Variants in ZNF385C observed in about 807,000 individuals in gnomAD.
ZNF385C encodes the protein CTD-2132N18.2.
In ZNF385C, 28 loss-of-function variants were observed where a neutral mutation model predicts 35.4. The observed-to-expected ratio is 0.79, with a 90% CI of 0.59 to 1.08. ZNF385C has a LOEUF of 1.08. ZNF385C is among the 50% of genes least tolerant of loss of function. The probability of loss-of-function intolerance (pLI) is 0.00; values close to 1 mark genes in which losing one functional copy is unlikely to be tolerated. For synonymous variants in ZNF385C, 248 were observed against 248.2 expected, an observed-to-expected ratio of 1.00 and a Z score of 0.01; for missense variants, 605 against 595.6, an observed-to-expected ratio of 1.02 and a Z score of -0.16.
intron 1 of ZNF385C, among the ~76,000 whole-genome samples, chr17:42,077,944 A>G (rs948453084): frequency 6.6e-6 from 1 of 152,002 alleles, no homozygotes; most frequent in Non-Finnish European, 1.5e-5. Context: ...CTGGTTGCAA[A>G]TCCCCCTGAA....
At chr17:42,093,432 C>T (rs1555660729) in intron 1 of ZNF385C, among the ~76,000 whole-genome samples, 1 of 152,166 alleles carries the variant, frequency 6.6e-6, no homozygotes, top group African/African-American at 2.4e-5. Flanking sequence ...TGACTCTGGA[C>T]CCCCAGCCCT....
intron 1 of ZNF385C, among the ~76,000 whole-genome samples, chr17:42,078,367 T>G (rs1240729638): frequency 6.6e-6 from 1 of 151,420 alleles, no homozygotes; most frequent in Non-Finnish European, 1.5e-5. Context: ...GTAGGAAGCC[T>G]AGAATCTCTA....
intron 2 of ZNF385C, chr17:42,042,973 A>C (rs1036761283): frequency 8.1e-7 from 1 of 1,232,402 alleles, no homozygotes. Flanking sequence ...CATGCAGTAC[A>C]CAGTAGTCAG....
rs143809393 is a variant in ZNF385C, at chr17:42,059,489, G to A, written c.250+3318C>T. On this transcript the variant is annotated intron_variant, in intron 2 of 8. Transcript: ENST00000692273. Reference sequence around the variant, plus strand: ...CCTAAGATGGTGCCCCCACGCCCCCGTTCTGACCCAGTACTGAGGGGCATG... The same window carrying A: ...CCTAAGATGGTGCCCCCACGCCCCCATTCTGACCCAGTACTGAGGGGCATG... 1.8e-3 allele frequency among the ~76,000 whole-genome samples: 268 copies of A among 152,210 alleles called. 2 individuals are homozygous for A. Among genetic ancestry groups the A allele is most frequent in the Middle Eastern group, 0.01 (3 of 294 alleles).
chr17:42,071,708 G>A (rs782492922), intron 1 of ZNF385C, among the ~76,000 whole-genome samples: 1 of 152,176 alleles, frequency 6.6e-6, no homozygotes, highest in African/African-American at 2.4e-5. Context: ...GAGGAGACCC[G>A]CCGGCCCCAT....
intron 1 of ZNF385C, among the ~76,000 whole-genome samples, chr17:42,087,668 T>C (rs2053823184): frequency 6.6e-6 from 1 of 152,188 alleles, no homozygotes; most frequent in South Asian, 2.1e-4. Context: ...CTCACGTCTA[T>C]AAATCTCAGC....
chr17:42,026,284 CTT>C lies in ZNF385C; in HGVS notation c.*611_*612del, dbSNP rs2052577152. On this transcript the variant is annotated 3_prime_UTR_variant, in exon 9 of 9. Coordinates refer to ENST00000692273, the MANE Select transcript of ZNF385C (RefSeq NM_001392013.1). ...GCCCAACCAGAACATCACCTCCTCTCTTAGTCCCACCCCTTCAGAGCAGATGA... is the reference window on the plus strand; with the variant it reads ...GCCCAACCAGAACATCACCTCCTCTCAGTCCCACCCCTTCAGAGCAGATGA... 6.5e-6 allele frequency: 1 copy of C among 154,890 alleles called. No individual in the cohort carries two copies. Among genetic ancestry groups the C allele is most frequent in the South Asian group, 2.0e-4 (1 of 5,086 alleles). 9.6% of individuals were successfully genotyped at this position (154,890 alleles called of 1,614,324 possible).
Position 42,028,258 on chromosome 17 carries a change from A to G in ZNF385C, c.968-12T>C. The G allele has an allele frequency of 6.6e-7, 1 of 1,519,556 alleles. No homozygotes were observed. The highest frequency in any genetic ancestry group is 8.8e-7 in the Non-Finnish European group (1 of 1,136,790). 94.1% of individuals were successfully genotyped at this position (1,519,556 alleles called of 1,614,324 possible). A position where few individuals can be genotyped will look rare whatever the true frequency, so the allele number is the denominator to read the frequency against. ...CCGGTGCTTGGCTCCTGGAGAGGGA[A>G]GAAGGCAGTCTCTCAGCAGCAGGAA... On this transcript the variant is annotated splice_polypyrimidine_tract_variant and intron_variant, in intron 6 of 8. Coordinates refer to ENST00000692273, the MANE Select transcript of ZNF385C (RefSeq NM_001392013.1).
chr17:42,040,685 G>A (rs1051186990), intron 2 of ZNF385C: 6 of 1,232,302 alleles, frequency 4.9e-6, no homozygotes, highest in South Asian at 4.1e-5. Flanking sequence ...GGCACTGGCC[G>A]AGGCCCTGCC....
At chr17:42,037,602 C>G in intron 3 of ZNF385C, 135 bp downstream of exon 3, 1 of 1,106,854 alleles carries the variant, frequency 9.0e-7, no homozygotes, top group Non-Finnish European at 1.2e-6. Flanking sequence ...TGGGGAGCAC[C>G]TATCCCCTCT....
At chr17:42,073,667 G>A (rs2053655161) in intron 1 of ZNF385C, among the ~76,000 whole-genome samples, 1 of 152,208 alleles carries the variant, frequency 6.6e-6, no homozygotes, top group Non-Finnish European at 1.5e-5. Flanking sequence ...GGGGCATGGA[G>A]CCAACCAGGA....
intron 2 of ZNF385C, among the ~76,000 whole-genome samples, chr17:42,057,909 C>CTCCA (rs2053405785): frequency 6.6e-6 from 1 of 151,938 alleles, no homozygotes; most frequent in Non-Finnish European, 1.5e-5. Context: ...CACCACTGCA[C>CTCCA]TCCAGCCTGG....
rs868993003 is a variant in ZNF385C, at chr17:42,045,345, C to T, written c.251-7460G>A. On this transcript the variant is annotated intron_variant, in intron 2 of 8. Transcript: ENST00000692273. ...GGATTACAGGCGTGCGCCACCGCGC[C>T]TGGCCTTAACTCTACCTTTTAATTA... Among the ~76,000 whole-genome samples, 31 of 152,400 alleles carry T rather than the reference C, an allele frequency of 2.0e-4. No individual in the cohort carries two copies. The Middle Eastern group carries it at 0.01, about 50-fold the overall frequency.
Position 42,028,879 on chromosome 17 carries a change from T to G in ZNF385C, c.871A>C (p.Met291Leu). 6.4e-7 allele frequency: 1 copy of G among 1,550,614 alleles called. No individual in the cohort carries two copies. The highest frequency in any genetic ancestry group is 8.7e-7 in the Non-Finnish European group (1 of 1,146,986). The change falls in exon 6 of 9, where the codon ATG becomes CTG. Residue 291 changes from methionine to leucine, a missense_variant. Met to Leu is a conservative substitution (Grantham distance 15). Coordinates refer to ENST00000692273, the MANE Select transcript of ZNF385C (RefSeq NM_001392013.1). Reference protein sequence around the residue: ...EPAAAAVGSSMSGEGRSEKGH... With the variant: ...EPAAAAVGSSLSGEGRSEKGH... The stretch of plus-strand genomic sequence containing the variant: ...TTCTCACTCCTGCCTTCCCCACTCA[T>G]GCTGCTTCCCACGGCAGCTGCCGCT...
intron 2 of ZNF385C, among the ~76,000 whole-genome samples, chr17:42,054,853 A>C (rs1051069629): frequency 6.6e-6 from 1 of 152,084 alleles, no homozygotes; most frequent in African/African-American, 2.4e-5. Flanking sequence ...AAGTGTTAGG[A>C]TTACAGGTGT....
chr17:42,081,083 A>G (rs1440497915), intron 1 of ZNF385C, among the ~76,000 whole-genome samples: 1 of 152,256 alleles, frequency 6.6e-6, no homozygotes, highest in Admixed American at 6.5e-5. Context: ...AACACCTACT[A>G]TATGCCAGCC....
chr17:42,087,208 A>G (rs2053818474), intron 1 of ZNF385C, among the ~76,000 whole-genome samples: 2 of 152,236 alleles, frequency 1.3e-5, no homozygotes, highest in Non-Finnish European at 2.9e-5. Flanking sequence ...ACAAAAAAAG[A>G]CAATGTTGAT....
Position 42,026,660 on chromosome 17 carries a change from C to A in ZNF385C, c.*237G>T. ...GAGATTTTGCATAGATCTTTGGGGT[C>A]TGTCAGGGTGGGAAATGCAGGCAAG... On this transcript the variant is annotated 3_prime_UTR_variant, in exon 9 of 9. Coordinates refer to ENST00000692273, the MANE Select transcript of ZNF385C (RefSeq NM_001392013.1). The A allele has an allele frequency of 1.7e-6, 1 of 580,228 alleles. No homozygotes were observed. The highest frequency in any genetic ancestry group is 3.1e-6 in the Non-Finnish European group (1 of 325,018). The allele number at this position is 580,228 out of a possible 1,614,324, so 35.9% of individuals were successfully genotyped here. A position where few individuals can be genotyped will look rare whatever the true frequency, so the allele number is the denominator to read the frequency against.
chr17:42,092,458 G>GTA (rs1555660632), intron 1 of ZNF385C, among the ~76,000 whole-genome samples: 1 of 152,180 alleles, frequency 6.6e-6, no homozygotes, highest in Non-Finnish European at 1.5e-5. Flanking sequence ...GGATGAGGCA[G>GTA]TTCTGTATAC....
Sources: gnomAD v4.1 joint callset for allele counts (sites outside exome capture counted in the v4.1 genomes callset) on GRCh38, gnomAD v4.1.1 for gene constraint, MANE v1.5 for transcripts, NCBI Gene and HGNC (gene_info 2026-07-23, HGNC 2026-07-21) for gene names.